CAST: variants seen among roughly 807,000 people sequenced by gnomAD.
The protein encoded by CAST is calpastatin.
In CAST, 76 loss-of-function variants were observed where a neutral mutation model predicts 119.6. That is an observed-to-expected ratio of 0.64 (90% CI 0.53 to 0.77). The LOEUF (loss-of-function observed/expected upper bound fraction) is 0.77, where lower values mean the gene tolerates loss of function less well. Ranked by LOEUF, CAST falls within the 30% of genes least tolerant of loss-of-function variation. The pLI is 0.00. For synonymous variants in CAST, 319 were observed against 331.6 expected (o/e 0.96, Z 0.41); for missense variants, 953 against 946.5 (o/e 1.01, Z -0.09).
the CAST span, among the ~76,000 whole-genome samples, chr5:96,409,630 C>A: frequency 7.2e-5 from 11 of 152,304 alleles, no homozygotes; most frequent in Non-Finnish European, 1.5e-4. Flanking sequence ...TTCTGAAATG[C>A]CCAACAGGCC....
At chr5:96,146,388 A>G in the CAST span, among the ~76,000 whole-genome samples, 2 of 152,230 alleles carry the variant, frequency 1.3e-5, no homozygotes, top group Non-Finnish European at 2.9e-5. Context: ...ATTACCAGGA[A>G]GATGTGTTAA....
chr5:96,470,098 C>T, the CAST span, among the ~76,000 whole-genome samples: 10 of 151,168 alleles, frequency 6.6e-5, no homozygotes, highest in African/African-American at 7.3e-5. Flanking sequence ...CCCAAGATCC[C>T]GGGCTCAACT....
chr5:96,135,181 T>C, the CAST span, among the ~76,000 whole-genome samples: 2 of 152,122 alleles, frequency 1.3e-5, no homozygotes, highest in Admixed American at 1.3e-4. Context: ...CGGGATGACT[T>C]TAAACAAATA....
Position 96,602,160 on chromosome 5 carries a change from C to A in CAST, c.60+72280C>A, listed in dbSNP as rs1747165807. 2.0e-5 allele frequency among the ~76,000 whole-genome samples: 3 copies of A among 152,174 alleles called. No individual in the cohort carries two copies. The South Asian group carries it at 6.2e-4, about 32-fold the overall frequency. On this transcript the variant is annotated intron_variant, in intron 1 of 11. Transcript: ENST00000505143. The stretch of plus-strand genomic sequence containing the variant: ...CAAAGGAGTGCTCTGACTCAAGACA[C>A]CATGGAAGAGCAAAGGATGGTTGAG...
At chr5:96,081,205 C>T in the CAST span, among the ~76,000 whole-genome samples, 1 of 152,178 alleles carries the variant, frequency 6.6e-6, no homozygotes, top group African/African-American at 2.4e-5. Context: ...TGTCCTTTCC[C>T]CTAGCTCAGC....
chr5:96,571,690 T>A (rs1309755527), intron 1 of CAST, among the ~76,000 whole-genome samples: 2 of 152,198 alleles, frequency 1.3e-5, no homozygotes, highest in Non-Finnish European at 2.9e-5. Flanking sequence ...CATTCATTTG[T>A]GATCTCTCTA....
Position 96,762,351 on chromosome 5 carries a change from A to G in CAST, c.1911A>G (p.Gly637=). The part of the protein sequence containing the change: ...SQTPASTTQA[G]APPRDTSQSD... Reference sequence around the variant, plus strand: ...CCCCAGCTTCAACGACCCAAGCTGGAGCCCCACCCCGTGATACCTCGGTAA... The same window carrying G: ...CCCCAGCTTCAACGACCCAAGCTGGGGCCCCACCCCGTGATACCTCGGTAA... Residue 637 remains glycine (G), a synonymous_variant, in exon 25 of 32, where the codon GGA becomes GGG. Coordinates refer to ENST00000675179, the MANE Select transcript of CAST (RefSeq NM_001750.7). 1 of 1,601,832 alleles carries G rather than the reference A, an allele frequency of 6.2e-7. No individual in the cohort carries two copies. The highest frequency in any genetic ancestry group is 1.8e-5 in the Admixed American group (1 of 56,892).
chr5:96,723,914 A>G (rs989704094), intron 4 of CAST, among the ~76,000 whole-genome samples: 7 of 152,236 alleles, frequency 4.6e-5, no homozygotes, highest in African/African-American at 1.7e-4. Context: ...ATGTGGCACT[A>G]TAACTTAGTA....
chr5:96,282,595 T>C, the CAST span, among the ~76,000 whole-genome samples: 1 of 152,330 alleles, frequency 6.6e-6, no homozygotes, highest in South Asian at 2.1e-4. Flanking sequence ...TTATTTTTTA[T>C]GACTCTTGTA....
chr5:96,475,206 A>C, the CAST span, among the ~76,000 whole-genome samples: 1,123 of 152,298 alleles, frequency 7.4e-3, 14 homozygotes, highest in African/African-American at 0.025. Flanking sequence ...AGTCTGGGGA[A>C]AAATGAAGAA....
chr5:96,511,221 T>G, the CAST span, among the ~76,000 whole-genome samples: 9 of 152,254 alleles, frequency 5.9e-5, no homozygotes, highest in Non-Finnish European at 1.3e-4. Context: ...CTCAGCTCAC[T>G]GCAACCTCTG....
At chr5:96,027,428 C>T in the CAST span, among the ~76,000 whole-genome samples, 1 of 151,468 alleles carries the variant, frequency 6.6e-6, no homozygotes. Context: ...TAAGTTTGAC[C>T]TTTTAGATCA....
the CAST span, among the ~76,000 whole-genome samples, chr5:96,024,836 G>C: frequency 1.3e-5 from 2 of 151,958 alleles, no homozygotes; most frequent in East Asian, 3.9e-4. Flanking sequence ...ACAAAATCAG[G>C]GTGTCCAACG....
At chr5:96,646,279 A>C (rs1561438565) in intron 1 of CAST, among the ~76,000 whole-genome samples, 1 of 152,232 alleles carries the variant, frequency 6.6e-6, no homozygotes, top group Non-Finnish European at 1.5e-5. Flanking sequence ...TTTCTCTAAC[A>C]AATATACTTG....
Position 96,726,844 on chromosome 5 carries a change from A to C in CAST, c.321A>C (p.Lys107Asn), listed in dbSNP as rs1320591588. The change falls in exon 5 of 32, where the codon AAA becomes AAC. Residue 107 changes from lysine (K) to asparagine (N), a missense_variant. Physicochemically the swap from Lys to Asn is moderately conservative, Grantham distance 94. Coordinates refer to ENST00000675179, the MANE Select transcript of CAST (RefSeq NM_001750.7). ...AAGGACCACATCTTCCTAACAAGAA[A>C]AAACACAAAAAACAGGTGATGTTGT... ...QMEGPHLPNK[K>N]KHKKQAVKTE... 6.2e-7 allele frequency: 1 copy of C among 1,612,570 alleles called. No homozygotes were observed. The highest frequency in any genetic ancestry group is 8.5e-7 in the Non-Finnish European group (1 of 1,178,796).
chr5:96,241,854 A>G, the CAST span, among the ~76,000 whole-genome samples: 3 of 148,846 alleles, frequency 2.0e-5, no homozygotes, highest in South Asian at 2.2e-4. Flanking sequence ...TGGCTGCATA[A>G]ATGTCTTCTT....
chr5:96,218,057 A>G, the CAST span, among the ~76,000 whole-genome samples: 3 of 152,236 alleles, frequency 2.0e-5, no homozygotes, highest in Non-Finnish European at 4.4e-5. Context: ...CTGAGTAGTA[A>G]TAATCAAGAA....
chr5:96,612,279 A>G (rs1747377895), intron 1 of CAST, among the ~76,000 whole-genome samples: 1 of 152,222 alleles, frequency 6.6e-6, no homozygotes, highest in Non-Finnish European at 1.5e-5. Context: ...TGTCCTTTGC[A>G]GCAACATGGA....
the CAST span, among the ~76,000 whole-genome samples, chr5:96,155,873 C>A: frequency 6.6e-6 from 1 of 152,132 alleles, no homozygotes; most frequent in East Asian, 1.9e-4. Flanking sequence ...ACAGTCTATG[C>A]CCTAGAGCTG....
Sources: gnomAD v4.1 joint callset for allele counts (sites outside exome capture counted in the v4.1 genomes callset) on GRCh38, gnomAD v4.1.1 for gene constraint, MANE v1.5 for transcripts, NCBI Gene and HGNC (gene_info 2026-07-23, HGNC 2026-07-21) for gene names.